Variants in OXTR observed in about 807,000 individuals in gnomAD.
The protein encoded by OXTR is oxytocin receptor.
Under a neutral mutation model 23.9 loss-of-function variants are expected in OXTR, and 19 were observed. The observed-to-expected ratio is 0.80, with a 90% CI of 0.56 to 1.17. The LOEUF (loss-of-function observed/expected upper bound fraction) is 1.17, where lower values mean the gene tolerates loss of function less well. OXTR is among the 50% of genes most tolerant of loss of function. The probability of loss-of-function intolerance (pLI) is 0.00; values close to 1 mark genes in which losing one functional copy is unlikely to be tolerated. For missense variants in OXTR, 500 were observed against 550.7 expected, an observed-to-expected ratio of 0.91 and a Z score of 0.92; for synonymous variants, 278 against 250.5, an observed-to-expected ratio of 1.11 and a Z score of -1.04.
intron 3 of OXTR, 114 bp downstream of exon 3, chr3:8,767,152 A>C: frequency 9.2e-7 from 1 of 1,082,324 alleles, no homozygotes; most frequent in Non-Finnish European, 1.3e-6. Flanking sequence ...GTGGGATTTC[A>C]AACCCGCTTA....
chr3:8,756,019 A>G (rs1365796160), intron 3 of OXTR, among the ~76,000 whole-genome samples: 1 of 152,156 alleles, frequency 6.6e-6, no homozygotes, highest in Non-Finnish European at 1.5e-5. Context: ...ATCCAGACAG[A>G]GTCTGCCCAC....
chr3:8,764,455 GT>G (rs570153148), intron 3 of OXTR, among the ~76,000 whole-genome samples: 137 of 152,336 alleles, frequency 9.0e-4, no homozygotes, highest in African/African-American at 3.0e-3. Context: ...AAGTGGGGCT[GT>G]GCATTAATTC....
Position 8,752,090 on chromosome 3 carries a change from T to C in OXTR, c.*887A>G, listed in dbSNP as rs186836883. ...TGTTTTGTTAAGTTGATTCCTATTT[T>C]ATTCTTTCTGATGGTATTATAAATG... On this transcript the variant is annotated 3_prime_UTR_variant, in exon 4 of 4. Coordinates refer to ENST00000316793, the MANE Select transcript of OXTR (RefSeq NM_000916.4). 2.6e-4 allele frequency: 40 copies of C among 152,362 alleles called. No homozygotes were observed. The highest frequency in any genetic ancestry group is 9.1e-4 in the African/African-American group (38 of 41,594). The allele number at this position is 152,362 out of a possible 1,614,324, so 9.4% of individuals were successfully genotyped here. A position where few individuals can be genotyped will look rare whatever the true frequency, so the allele number is the denominator to read the frequency against.
Position 8,753,059 on chromosome 3 carries a change from C to G in OXTR, c.1088G>C (p.Ser363Thr). Reference protein sequence around the residue: ...KGRRLGETSASKKSNSSSFVL... With the variant: ...KGRRLGETSATKKSNSSSFVL... ...AAAGGAGGACGAGTTGCTCTTTTTG[C>G]TGGCACTCGTCTCTCCCAGGCGTCT... Residue 363 changes from serine (S) to threonine (T), a missense_variant, in exon 4 of 4, where the codon AGC becomes ACC. Physicochemically the swap from Ser to Thr is moderately conservative, Grantham distance 58. Coordinates refer to ENST00000316793, the MANE Select transcript of OXTR (RefSeq NM_000916.4). The G allele has an allele frequency of 1.2e-6, 2 of 1,614,108 alleles. No homozygotes were observed. Among genetic ancestry groups the G allele is most frequent in the Non-Finnish European group, 1.7e-6 (2 of 1,180,004 alleles).
At chr3:8,749,287 T>C (rs185297784), downstream of OXTR, among the ~76,000 whole-genome samples, 9 of 152,296 alleles carry the variant, frequency 5.9e-5, no homozygotes, top group East Asian at 1.7e-3. Context: ...AGACCCAATG[T>C]ACCCGCCAGA....
At chr3:8,755,474 T>A (rs1708352312) in intron 3 of OXTR, among the ~76,000 whole-genome samples, 1 of 152,260 alleles carries the variant, frequency 6.6e-6, no homozygotes, top group South Asian at 2.1e-4. Context: ...ACTCTTTGGA[T>A]CTTTCAACTT....
At chr3:8,745,901 G>T, downstream of OXTR, 1 of 1,580,648 alleles carries the variant, frequency 6.3e-7, no homozygotes, top group African/African-American at 1.3e-5. The surrounding 1 kb of genome is among the most constrained non-coding windows in gnomAD (Gnocchi z 4.8). Context: ...GCAGGGCAGG[G>T]GGTGGTGGGC....
chr3:8,749,548 T>G (rs973536376), downstream of OXTR, among the ~76,000 whole-genome samples: 1 of 152,190 alleles, frequency 6.6e-6, no homozygotes, highest in South Asian at 2.1e-4. Context: ...CTGCTGCATT[T>G]GCACCCAGAG....
the OXTR span, among the ~76,000 whole-genome samples, chr3:8,743,968 G>C: frequency 6.6e-6 from 1 of 152,090 alleles, no homozygotes; most frequent in East Asian, 1.9e-4. Context: ...ATAGAGGAGA[G>C]GATCCCCTCC....
chr3:8,748,962 T>C (rs1263444373), downstream of OXTR, among the ~76,000 whole-genome samples: 1 of 152,150 alleles, frequency 6.6e-6, no homozygotes, highest in African/African-American at 2.4e-5. Context: ...CCATGATACA[T>C]TGCAGAAGAC....
Position 8,751,227 on chromosome 3 carries a change from T to G in OXTR, c.*1750A>C, listed in dbSNP as rs900190659. On this transcript the variant is annotated 3_prime_UTR_variant, in exon 4 of 4. Coordinates refer to ENST00000316793, the MANE Select transcript of OXTR (RefSeq NM_000916.4). ...CCGTTAGCCCATTTTTTAAATTGAT[T>G]TATTTTTCTCCTTATTGTTGTGTTA... is the stretch of plus-strand genomic sequence containing the variant. 2.0e-5 allele frequency: 3 copies of G among 152,244 alleles called. No individual in the cohort carries two copies. Among genetic ancestry groups the G allele is most frequent in the Non-Finnish European group, 4.4e-5 (3 of 68,050 alleles). The allele number at this position is 152,244 out of a possible 1,614,324, so 9.4% of individuals were successfully genotyped here.
rs1458887937 is a variant in OXTR, at chr3:8,750,577, T to C, written c.*2400A>G. On this transcript the variant is annotated 3_prime_UTR_variant, in exon 4 of 4. Transcript: ENST00000316793. Reference sequence around the variant, plus strand: ...CCAGGCCCTGGCAAACGCTAATCTATATTCACTCTATATAGATTCGTCCAT... The same window carrying C: ...CCAGGCCCTGGCAAACGCTAATCTACATTCACTCTATATAGATTCGTCCAT... 1 of 152,244 alleles carries C rather than the reference T, an allele frequency of 6.6e-6. No homozygotes were observed. Among genetic ancestry groups the C allele is most frequent in the Admixed American group, 6.5e-5 (1 of 15,284 alleles). 9.4% of individuals were successfully genotyped at this position (152,244 alleles called of 1,614,324 possible).
chr3:8,767,565 A>G lies in OXTR; in HGVS notation c.623T>C (p.Val208Ala). 6.2e-7 allele frequency: 1 copy of G among 1,613,406 alleles called. No homozygotes were observed. The highest frequency in any genetic ancestry group is 8.5e-7 in the Non-Finnish European group (1 of 1,179,788). Residue 208 changes from valine to alanine, a missense_variant, in exon 3 of 4, where the codon GTC becomes GCC. Coordinates refer to ENST00000316793, the MANE Select transcript of OXTR (RefSeq NM_000916.4). ...KAYITWITLA[V>A]YIVPVIVLAA... ...GAGCACGATGACCGGCACGATGTAGACAGCTAGCGTGATCCATGTGATGTA... is the reference window on the plus strand; with the variant it reads ...GAGCACGATGACCGGCACGATGTAGGCAGCTAGCGTGATCCATGTGATGTA...
At chr3:8,746,025 G>C (rs2124989026), downstream of OXTR, 1 of 620,662 alleles carries the variant, frequency 1.6e-6, no homozygotes, top group Non-Finnish European at 2.8e-6. Flanking sequence ...AGAAAGAAAA[G>C]ACGGCCCAGC....
chr3:8,757,207 GAAAA>G (rs113664859), intron 3 of OXTR, among the ~76,000 whole-genome samples: 1 of 149,728 alleles, frequency 6.7e-6, no homozygotes, highest in Non-Finnish European at 1.5e-5. Flanking sequence ...TTGAGAAAAT[GAAAA>G]AAAAATTAAA....
chr3:8,764,375 A>C (rs774023153), intron 3 of OXTR, among the ~76,000 whole-genome samples: 47 of 152,212 alleles, frequency 3.1e-4, no homozygotes, highest in Non-Finnish European at 6.3e-4. Flanking sequence ...CTGGCTCCTC[A>C]GGTGATGAGT....
chr3:8,760,830 C>T (rs60345038), intron 3 of OXTR, among the ~76,000 whole-genome samples: 63,798 of 152,018 alleles, frequency 0.42, 13,940 homozygotes, highest in African/African-American at 0.51. Flanking sequence ...ATCATCGGGC[C>T]TGGCTGGGGG....
chr3:8,765,434 A>C (rs1290726283), intron 3 of OXTR, among the ~76,000 whole-genome samples: 3 of 152,224 alleles, frequency 2.0e-5, no homozygotes, highest in Non-Finnish European at 4.4e-5. Flanking sequence ...CTGAATGCTG[A>C]AATGTCCTCA....
downstream of OXTR, chr3:8,745,842 A>T: frequency 6.2e-7 from 1 of 1,613,038 alleles, no homozygotes; most frequent in African/African-American, 1.3e-5. The surrounding 1 kb of genome is among the most constrained non-coding windows in gnomAD (Gnocchi z 4.8). Context: ...AGCAGCATCA[A>T]GGTGGTGCTG....
Sources: allele counts gnomAD v4.1 joint callset (sites outside exome capture counted in the v4.1 genomes callset), GRCh38; gene constraint gnomAD v4.1.1; non-coding constraint Gnocchi (gnomAD v3.1); transcripts MANE v1.5; gene names NCBI Gene and HGNC (gene_info 2026-07-23, HGNC 2026-07-21).